Variants in GPC5 observed in about 807,000 individuals in gnomAD.
The protein encoded by GPC5 is glypican 5, also known as glypican-5.
In GPC5, 47 loss-of-function variants were observed where a neutral mutation model predicts 53.9. The observed-to-expected ratio is 0.87, with a 90% CI of 0.69 to 1.11. The LOEUF (loss-of-function observed/expected upper bound fraction) is 1.11, where lower values mean the gene tolerates loss of function less well. Among genes scored for constraint, GPC5 ranks in the 50% most tolerant of loss-of-function variants. GPC5 has a pLI of 0.00. For synonymous variants in GPC5, 286 were observed against 263.3 expected (o/e 1.09, Z -0.84); for missense variants, 748 against 713.1 (o/e 1.05, Z -0.56).
At chr13:91,848,935 A>G (rs1271248076) in intron 5 of GPC5, among the ~76,000 whole-genome samples, 1 of 152,308 alleles carries the variant, frequency 6.6e-6, no homozygotes, top group South Asian at 2.1e-4. Context: ...ACTTAATATA[A>G]TATAGATTGC....
At chr13:91,642,110 T>C (rs1594369669) in intron 2 of GPC5, among the ~76,000 whole-genome samples, 1 of 152,210 alleles carries the variant, frequency 6.6e-6, no homozygotes, top group East Asian at 1.9e-4. Context: ...TAGGAGGAGA[T>C]ATTTGGTAAA....
chr13:91,503,190 A>G (rs17320630), intron 2 of GPC5, among the ~76,000 whole-genome samples: 2 of 152,136 alleles, frequency 1.3e-5, no homozygotes, highest in African/African-American at 4.8e-5. Context: ...AAAGTAATAT[A>G]CAAGACAGTG....
intron 1 of GPC5, among the ~76,000 whole-genome samples, chr13:91,436,452 G>T (rs575953124): frequency 9.0e-4 from 137 of 152,280 alleles, no homozygotes; most frequent in Non-Finnish European, 1.6e-3. Context: ...GTACCCAGTA[G>T]TCATTCAGGA....
intron 7 of GPC5, chr13:92,490,030 G>A (rs1191322722): frequency 6.5e-6 from 1 of 152,772 alleles, no homozygotes; most frequent in Non-Finnish European, 1.5e-5. Flanking sequence ...CTCTTAGAAT[G>A]TCTGTTTACA....
At chr13:91,861,463 C>T (rs1327006761) in intron 5 of GPC5, among the ~76,000 whole-genome samples, 1 of 151,928 alleles carries the variant, frequency 6.6e-6, no homozygotes, top group Non-Finnish European at 1.5e-5. Flanking sequence ...TTATGAGATG[C>T]CCCCATTTTC....
chr13:92,607,251 C>A (rs1884287826), intron 7 of GPC5, among the ~76,000 whole-genome samples: 1 of 152,078 alleles, frequency 6.6e-6, no homozygotes, highest in Admixed American at 6.5e-5. Flanking sequence ...GCTCTCTTTC[C>A]TGTTTTACCC....
At position 92,004,489 on chromosome 13, in the gene GPC5, T is replaced by TATATATATATATATAA. The variant is rs1440395882; in HGVS notation, c.1401+96433_1401+96434insTATATATATATATAAA. Among the ~76,000 whole-genome samples, 375 of 122,636 alleles carry TATATATATATATATAA rather than the reference T, an allele frequency of 3.1e-3. 19 individuals carry two copies. Among genetic ancestry groups the TATATATATATATATAA allele is most frequent in the African/African-American group, 0.012 (357 of 28,744 alleles). 80.5% of individuals were successfully genotyped at this position (122,636 alleles called of 152,430 possible). A position where few individuals can be genotyped will look rare whatever the true frequency, so the allele number is the denominator to read the frequency against. ...ATATATATATATATATATATATATATAATTACACTATAGCTTTTCATGCAA... is the reference window on the plus strand; with the variant it reads ...ATATATATATATATATATATATATATATATATATATATATAAAATTACACTATAGCTTTTCATGCAA... On this transcript the variant is annotated intron_variant, in intron 6 of 7. Transcript: ENST00000377067.
Position 92,727,489 on chromosome 13 carries a change from C to T in GPC5, c.1562-138793C>T, listed in dbSNP as rs550439069. Among the ~76,000 whole-genome samples the T allele has an allele frequency of 8.6e-5, 13 of 151,484 alleles. No homozygotes were observed. The East Asian group carries it at 2.5e-3, about 30-fold the overall frequency. On this transcript the variant is annotated intron_variant, in intron 7 of 7. Transcript: ENST00000377067. ...CATCACAGACCTCCCAGAAATCAAG[C>T]CTGCTTTCCAACTGATTTCTGCATG...
In GPC5 at chr13:92,394,039, T is replaced by C. The variant is rs912144701; in HGVS notation, c.1561+249050T>C. Reference sequence around the variant, plus strand: ...CAGAGGTCTGCCAGGAATAATTTTGTAGTATTCAGTTTCCAAACATCAGTG... The same window carrying C: ...CAGAGGTCTGCCAGGAATAATTTTGCAGTATTCAGTTTCCAAACATCAGTG... On this transcript the variant is annotated intron_variant, in intron 7 of 7. Transcript: ENST00000377067. Among the ~76,000 whole-genome samples, 7 of 152,258 alleles carry C rather than the reference T, an allele frequency of 4.6e-5. No homozygotes were observed. In the East Asian group the frequency reaches 1.2e-3, roughly 25 times the overall value.
intron 7 of GPC5, among the ~76,000 whole-genome samples, chr13:92,408,472 CA>C (rs1326170378): frequency 3.9e-5 from 6 of 151,952 alleles, no homozygotes; most frequent in Non-Finnish European, 8.8e-5. Context: ...AGTTTATTAG[CA>C]TTATGTTTTA....
chr13:91,541,202 A>G (rs2138745569), intron 2 of GPC5, among the ~76,000 whole-genome samples: 1 of 152,176 alleles, frequency 6.6e-6, no homozygotes, highest in East Asian at 1.9e-4. Flanking sequence ...CTACATTTAA[A>G]TATTTTAATA....
intron 6 of GPC5, among the ~76,000 whole-genome samples, chr13:92,100,343 C>T (rs148180728): frequency 2.3e-4 from 35 of 152,046 alleles, no homozygotes; most frequent in African/African-American, 7.2e-4. Flanking sequence ...CAGAGGTTGC[C>T]GTGAGCCGAG....
Position 92,030,961 on chromosome 13 carries a change from G to A in GPC5, c.1402-113869G>A, listed in dbSNP as rs192793925. On this transcript the variant is annotated intron_variant, in intron 6 of 7. Coordinates refer to ENST00000377067, the MANE Select transcript of GPC5 (RefSeq NM_004466.6). Reference sequence around the variant, plus strand: ...CTAATCTGTCCTGGCCGTGTGACAAGGACCCTGTTTTTAGCTGAGCTAAGA... The same window carrying A: ...CTAATCTGTCCTGGCCGTGTGACAAAGACCCTGTTTTTAGCTGAGCTAAGA... Among the ~76,000 whole-genome samples the A allele has an allele frequency of 5.9e-5, 9 of 152,254 alleles. No homozygotes were observed. The East Asian group carries it at 1.2e-3, about 20-fold the overall frequency.
At chr13:92,385,605 A>ACG (rs1874643007) in intron 7 of GPC5, among the ~76,000 whole-genome samples, 1 of 136,608 alleles carries the variant, frequency 7.3e-6, no homozygotes, top group Non-Finnish European at 1.5e-5. Flanking sequence ...ATACATATAT[A>ACG]CACATATACA....
intron 7 of GPC5, among the ~76,000 whole-genome samples, chr13:92,458,734 A>G (rs566585093): frequency 1.3e-5 from 2 of 152,218 alleles, no homozygotes; most frequent in East Asian, 1.9e-4. Flanking sequence ...CAGAGCTCTG[A>G]GTTTCTTAAT....
intron 7 of GPC5, among the ~76,000 whole-genome samples, chr13:92,710,178 C>T (rs966567714): frequency 2.6e-5 from 4 of 152,116 alleles, no homozygotes; most frequent in African/African-American, 9.7e-5. Flanking sequence ...TTATATAGGG[C>T]ACAGCAGTGT....
chr13:91,668,385 C>T (rs763998698), intron 2 of GPC5, among the ~76,000 whole-genome samples: 7 of 152,186 alleles, frequency 4.6e-5, no homozygotes, highest in Admixed American at 6.5e-5. Context: ...AGTATGCAGG[C>T]CCTTTTATCT....
chr13:92,047,753 G>C (rs1269169658), intron 6 of GPC5, among the ~76,000 whole-genome samples: 1 of 144,980 alleles, frequency 6.9e-6, no homozygotes, highest in East Asian at 2.0e-4. Flanking sequence ...GGCGGATCAT[G>C]AGGTCAGGAG....
At chr13:91,454,947 A>G (rs1881435714) in intron 2 of GPC5, among the ~76,000 whole-genome samples, 2 of 151,948 alleles carry the variant, frequency 1.3e-5, no homozygotes. Context: ...CATAGAAATG[A>G]CTCTTGAACG....
Sources: gnomAD v4.1 joint callset for allele counts (sites outside exome capture counted in the v4.1 genomes callset) on GRCh38, gnomAD v4.1.1 for gene constraint, MANE v1.5 for transcripts, NCBI Gene and HGNC (gene_info 2026-07-23, HGNC 2026-07-21) for gene names.